Variants in CCL28 observed in about 807,000 individuals in gnomAD.
CCL28 encodes the protein C-C motif chemokine ligand 28, also known as C-C motif chemokine 28.
In CCL28, 4 loss-of-function variants were observed where a neutral mutation model predicts 7.1. The observed-to-expected ratio is 0.56, with a 90% confidence interval of 0.28 to 1.29. CCL28 has a LOEUF of 1.29. CCL28 is among the 50% of genes most tolerant of loss of function. CCL28 has a pLI of 0.11. For synonymous variants in CCL28, 55 were observed against 57.8 expected, an observed-to-expected ratio of 0.95 and a Z score of 0.22; for missense variants, 151 against 163.4, an observed-to-expected ratio of 0.92 and a Z score of 0.41.
intron 1 of CCL28, among the ~76,000 whole-genome samples, chr5:43,392,253 A>G (rs1740603913): frequency 6.6e-6 from 1 of 152,160 alleles, no homozygotes; most frequent in African/African-American, 2.4e-5. Context: ...TGTAGCTGGA[A>G]TTAAAGGTGT....
chr5:43,405,861 A>G lies in CCL28; in HGVS notation c.64+6392T>C, dbSNP rs935889525. 3.3e-5 allele frequency among the ~76,000 whole-genome samples: 5 copies of G among 152,248 alleles called. No homozygotes were observed. In the South Asian group the frequency reaches 8.3e-4, roughly 25 times the overall value. On this transcript the variant is annotated intron_variant, in intron 1 of 2. Coordinates refer to ENST00000361115, the MANE Select transcript of CCL28 (RefSeq NM_148672.3). ...ATACAAACTACCATCAGAGAATACT[A>G]TAAACACCTCTATGCAAATAAGCTA...
chr5:43,377,767 C>CT (rs1739944050), downstream of CCL28, among the ~76,000 whole-genome samples: 2 of 100,282 alleles, frequency 2.0e-5, no homozygotes, highest in Admixed American at 3.0e-4. Context: ...GAGTCTCGCT[C>CT]TGTCGCCCAG....
the CCL28 span, among the ~76,000 whole-genome samples, chr5:43,357,514 T>C: frequency 6.6e-6 from 1 of 152,158 alleles, no homozygotes; most frequent in African/African-American, 2.4e-5. Flanking sequence ...ATTGGGGAAG[T>C]AGGCTTGGTG....
chr5:43,377,108 T>G (rs1739907679), downstream of CCL28: 1 of 152,206 alleles, frequency 6.6e-6, no homozygotes, highest in Non-Finnish European at 1.5e-5. Flanking sequence ...CCTCTCTTCT[T>G]CTCTGATTAA....
At chr5:43,360,656 G>A in the CCL28 span, among the ~76,000 whole-genome samples, 1 of 151,990 alleles carries the variant, frequency 6.6e-6, no homozygotes, top group African/African-American at 2.4e-5. Context: ...AATGCAAAAT[G>A]ATTTGCATTT....
At chr5:43,402,566 G>C (rs1741080806) in intron 1 of CCL28, among the ~76,000 whole-genome samples, 1 of 152,174 alleles carries the variant, frequency 6.6e-6, no homozygotes, top group Non-Finnish European at 1.5e-5. Flanking sequence ...GGCCGAATAG[G>C]AACAGCTCCA....
the CCL28 span, among the ~76,000 whole-genome samples, chr5:43,363,308 A>T: frequency 6.6e-6 from 1 of 152,220 alleles, no homozygotes; most frequent in Admixed American, 6.5e-5. Context: ...CATACAAGAT[A>T]GTGGGCTAGG....
chr5:43,363,555 A>C, the CCL28 span, among the ~76,000 whole-genome samples: 12 of 152,332 alleles, frequency 7.9e-5, no homozygotes, highest in African/African-American at 2.6e-4. Flanking sequence ...CTGAAGTAGA[A>C]AGAATCCACC....
intron 1 of CCL28, among the ~76,000 whole-genome samples, chr5:43,401,321 G>A (rs548911556): frequency 1.3e-5 from 2 of 152,172 alleles, no homozygotes; most frequent in South Asian, 4.1e-4. Flanking sequence ...CTGGGATAAT[G>A]TTTGGGGGCA....
the CCL28 span, among the ~76,000 whole-genome samples, chr5:43,357,153 T>A: frequency 6.6e-6 from 1 of 152,170 alleles, no homozygotes; most frequent in East Asian, 1.9e-4. Context: ...AGTGGAGGAT[T>A]CTTATGGCAG....
downstream of CCL28, among the ~76,000 whole-genome samples, chr5:43,377,881 C>T (rs1448669554): frequency 1.7e-4 from 26 of 148,858 alleles, no homozygotes; most frequent in Admixed American, 6.0e-4. Context: ...TACAGGCGCC[C>T]GCCACTACGC....
chr5:43,372,578 A>G (rs1739803849), downstream of CCL28, among the ~76,000 whole-genome samples: 1 of 152,066 alleles, frequency 6.6e-6, no homozygotes, highest in African/African-American at 2.4e-5. Context: ...CATGTTGGTC[A>G]GGCTGGTCTC....
chr5:43,384,588 G>A (rs918766726), intron 2 of CCL28, among the ~76,000 whole-genome samples: 2 of 151,808 alleles, frequency 1.3e-5, no homozygotes, highest in Non-Finnish European at 2.9e-5. Context: ...CCTTCCCAAC[G>A]GTGAGTTTGT....
In CCL28 at chr5:43,379,269, G is replaced by A. The variant is rs1369932096; in HGVS notation, c.*2591C>T. ...AAATGGAAAATAATTCAAGTTGTTA[G>A]TTGAAAGAATTAGACACCAGTGTTT... On this transcript the variant is annotated 3_prime_UTR_variant, in exon 3 of 3. Coordinates refer to ENST00000361115, the MANE Select transcript of CCL28 (RefSeq NM_148672.3). 2 of 151,878 alleles carry A rather than the reference G, an allele frequency of 1.3e-5. No homozygotes were observed. Among genetic ancestry groups the A allele is most frequent in the Non-Finnish European group, 2.9e-5 (2 of 68,026 alleles). 9.4% of individuals were successfully genotyped at this position (151,878 alleles called of 1,614,324 possible).
At chr5:43,360,680 T>C in the CCL28 span, among the ~76,000 whole-genome samples, 1 of 152,170 alleles carries the variant, frequency 6.6e-6, no homozygotes. Flanking sequence ...TAATGATTAG[T>C]GATATTAAGC....
chr5:43,400,417 C>A (rs1282925951), intron 1 of CCL28, among the ~76,000 whole-genome samples: 1 of 152,120 alleles, frequency 6.6e-6, no homozygotes, highest in Non-Finnish European at 1.5e-5. Flanking sequence ...AACTCCTGGA[C>A]TCAGGCTATC....
At chr5:43,375,120 G>GCTGGGATTA (rs1257783934), downstream of CCL28, among the ~76,000 whole-genome samples, 1 of 151,842 alleles carries the variant, frequency 6.6e-6, no homozygotes, top group Admixed American at 6.6e-5. Flanking sequence ...CTCCCGAGTA[G>GCTGGGATTA]CTGGGATTAC....
At chr5:43,374,047 A>T (rs769842764), downstream of CCL28, among the ~76,000 whole-genome samples, 7 of 152,224 alleles carry the variant, frequency 4.6e-5, no homozygotes, top group Non-Finnish European at 8.8e-5. Flanking sequence ...TTTAACCCTC[A>T]GTAGCCTTCT....
At chr5:43,409,505 G>A (rs1447414131) in intron 1 of CCL28, among the ~76,000 whole-genome samples, 3 of 152,020 alleles carry the variant, frequency 2.0e-5, no homozygotes, top group Admixed American at 6.6e-5. Flanking sequence ...ACCTCTTAGG[G>A]ACCACAATTG....
Sources: gnomAD v4.1 joint callset for allele counts (sites outside exome capture counted in the v4.1 genomes callset) on GRCh38, gnomAD v4.1.1 for gene constraint, MANE v1.5 for transcripts, NCBI Gene and HGNC (gene_info 2026-07-23, HGNC 2026-07-21) for gene names.